Variants in COL5A2 observed in about 807,000 individuals in gnomAD.
COL5A2 encodes the protein collagen alpha-2(V) chain.
In COL5A2, 23 loss-of-function variants were observed where a neutral mutation model predicts 208.2. The ratio of observed to expected loss-of-function variants is 0.11; its 90% CI spans 0.08 to 0.16. The LOEUF (loss-of-function observed/expected upper bound fraction) is 0.16, where lower values mean the gene tolerates loss of function less well. COL5A2 is among the 10% of genes least tolerant of loss of function. COL5A2 has a pLI of 1.00. For synonymous variants in COL5A2, 625 were observed against 628.5 expected (o/e 0.99, Z 0.08); for missense variants, 1,590 against 1,956.4 (o/e 0.81, Z 3.53).
At chr2:189,329,186 A>T in the COL5A2 span, among the ~76,000 whole-genome samples, 1 of 152,214 alleles carries the variant, frequency 6.6e-6, no homozygotes, top group African/African-American at 2.4e-5. Flanking sequence ...ACATGCATGA[A>T]CCTGGAGAAC....
At chr2:189,406,252 A>T in the COL5A2 span, among the ~76,000 whole-genome samples, 2 of 152,166 alleles carry the variant, frequency 1.3e-5, no homozygotes, top group Non-Finnish European at 2.9e-5. Context: ...ATACTGCTGA[A>T]AACTTGAAAT....
the COL5A2 span, among the ~76,000 whole-genome samples, chr2:189,423,884 C>A: frequency 6.6e-6 from 1 of 150,536 alleles, no homozygotes; most frequent in East Asian, 1.9e-4. Context: ...CATACCAAAT[C>A]AGACGAGGGG....
chr2:189,077,991 T>C (rs1396268735), intron 16 of COL5A2, among the ~76,000 whole-genome samples: 1 of 152,204 alleles, frequency 6.6e-6, no homozygotes, highest in Non-Finnish European at 1.5e-5. Flanking sequence ...CAGGTTCAAG[T>C]TACATAAATA....
intron 47 of COL5A2, among the ~76,000 whole-genome samples, chr2:189,044,419 T>C (rs892964402): frequency 1.3e-5 from 2 of 152,160 alleles, no homozygotes; most frequent in African/African-American, 4.8e-5. Flanking sequence ...CAAAGTTTCA[T>C]AATTAAAACT....
chr2:189,357,795 C>T, the COL5A2 span, among the ~76,000 whole-genome samples: 1 of 148,946 alleles, frequency 6.7e-6, no homozygotes, highest in African/African-American at 2.5e-5. Flanking sequence ...TGCAGCTGCT[C>T]AGTGTCTGCC....
chr2:189,246,175 A>G, the COL5A2 span, among the ~76,000 whole-genome samples: 2 of 152,260 alleles, frequency 1.3e-5, no homozygotes, highest in African/African-American at 4.8e-5. Context: ...TCACCAATAC[A>G]TGAAAAATTC....
chr2:189,133,015 T>C (rs1422438213), intron 1 of COL5A2: 1 of 152,934 alleles, frequency 6.5e-6, no homozygotes, highest in Non-Finnish European at 1.5e-5. Flanking sequence ...TTCTCAGAGA[T>C]AAAGAAGTTG....
the COL5A2 span, among the ~76,000 whole-genome samples, chr2:189,339,962 A>G: frequency 6.6e-6 from 1 of 152,188 alleles, no homozygotes; most frequent in African/African-American, 2.4e-5. Flanking sequence ...CTATGGGACA[A>G]CTGGGCCAGT....
the COL5A2 span, among the ~76,000 whole-genome samples, chr2:189,285,712 G>A: frequency 1.3e-5 from 2 of 152,106 alleles, no homozygotes; most frequent in South Asian, 2.1e-4. Context: ...AAAAGTGGTC[G>A]TTTAAAGTAA....
At chr2:189,184,816 C>T (rs554311132), upstream of COL5A2, among the ~76,000 whole-genome samples, 4 of 152,044 alleles carry the variant, frequency 2.6e-5, no homozygotes, top group African/African-American at 9.7e-5. Context: ...TCTTTGGGGG[C>T]TATTATTCTT....
the COL5A2 span, among the ~76,000 whole-genome samples, chr2:189,309,023 A>G: frequency 1.3e-4 from 20 of 152,040 alleles, no homozygotes; most frequent in African/African-American, 4.6e-4. Context: ...TGATTTGGTG[A>G]CTCTCTTGGG....
chr2:189,196,663 T>G (rs1180453503), intron 1 of COL5A2, among the ~76,000 whole-genome samples: 1 of 152,116 alleles, frequency 6.6e-6, no homozygotes, highest in Non-Finnish European at 1.5e-5. Flanking sequence ...CTTAGCAGCT[T>G]CCTACTTTCT....
chr2:189,068,026 G>A lies in COL5A2; in HGVS notation c.1390C>T (p.Arg464Ter). 1 of 1,613,708 alleles carries A rather than the reference G, an allele frequency of 6.2e-7. No individual in the cohort carries two copies. Among genetic ancestry groups the A allele is most frequent in the Non-Finnish European group, 8.5e-7 (1 of 1,179,720 alleles). Reference protein sequence around the residue: ...PQGSTGPQGIRGQPGDPGVPG... With the variant: ...PQGSTGPQGI ...TCAAAGGTCATTACCGGTTGGCCTC[G>A]AATTCCCTGAGGACCAGTGCTACCC... Residue 464 changes from arginine to a stop codon, truncating the protein, a stop_gained, in exon 21 of 54, where the codon CGA (arginine) becomes TGA (stop). Transcript: ENST00000374866. LOFTEE classifies it high-confidence loss of function.
At chr2:189,081,816 A>G (rs1686540324) in intron 12 of COL5A2, among the ~76,000 whole-genome samples, 1 of 152,194 alleles carries the variant, frequency 6.6e-6, no homozygotes, top group Non-Finnish European at 1.5e-5. Flanking sequence ...CAGTGGCACA[A>G]CTATTTTGAA....
At chr2:189,042,825 G>T (rs761868402) in intron 48 of COL5A2, 52 bp from the exon 49 acceptor site, 45 of 1,528,192 alleles carry the variant, frequency 2.9e-5, no homozygotes, top group Non-Finnish European at 4.0e-5. Context: ...ATCCTGCATT[G>T]TGCCATTCTC....
the COL5A2 span, among the ~76,000 whole-genome samples, chr2:189,293,442 T>C: frequency 6.6e-6 from 1 of 152,102 alleles, no homozygotes; most frequent in Non-Finnish European, 1.5e-5. Context: ...CCCCCAGAAT[T>C]TTCCAGTAGG....
the COL5A2 span, among the ~76,000 whole-genome samples, chr2:189,371,033 T>C: frequency 6.6e-6 from 1 of 152,172 alleles, no homozygotes; most frequent in African/African-American, 2.4e-5. Context: ...CCCTTGGTGA[T>C]AAGTGAGTTC....
At chr2:189,262,105 TAAC>T in the COL5A2 span, among the ~76,000 whole-genome samples, 1 of 152,162 alleles carries the variant, frequency 6.6e-6, no homozygotes, top group African/African-American at 2.4e-5. Flanking sequence ...TTCAAAATAA[TAAC>T]GCTTGTCCAG....
the COL5A2 span, among the ~76,000 whole-genome samples, chr2:189,302,901 G>A: frequency 1.1e-4 from 16 of 152,180 alleles, no homozygotes; most frequent in Non-Finnish European, 1.9e-4. Context: ...CCCAAGAGTA[G>A]TGATGCTTTC....
Sources: gnomAD v4.1 joint callset for allele counts (sites outside exome capture counted in the v4.1 genomes callset) on GRCh38, gnomAD v4.1.1 for gene constraint, MANE v1.5 for transcripts, NCBI Gene and HGNC (gene_info 2026-07-23, HGNC 2026-07-21) for gene names.